Variants in C1orf141 observed in about 807,000 individuals in gnomAD.
C1orf141 encodes uncharacterized protein C1orf141.
C1orf141 carries 19 observed loss-of-function variants against 23.2 expected under a neutral mutation model. That is an observed-to-expected ratio of 0.82 (90% CI 0.57 to 1.20). The LOEUF is 1.20. Among genes scored for constraint, C1orf141 ranks in the 50% most tolerant of loss-of-function variants. C1orf141 has a pLI of 0.00. For missense variants in C1orf141, 469 were observed against 455.1 expected, an observed-to-expected ratio of 1.03 and a Z score of -0.28; for synonymous variants, 153 against 154.6, an observed-to-expected ratio of 0.99 and a Z score of 0.08.
At chr1:67,103,081 AG>A (rs1245579134) in intron 5 of C1orf141, among the ~76,000 whole-genome samples, 8 of 152,148 alleles carry the variant, frequency 5.3e-5, no homozygotes, top group Admixed American at 2.6e-4. Flanking sequence ...TGGTGTGGAT[AG>A]GTTTAAGAGT....
At chr1:67,126,146 G>A (rs1646409631) in intron 3 of C1orf141, among the ~76,000 whole-genome samples, 1 of 152,138 alleles carries the variant, frequency 6.6e-6, no homozygotes, top group African/African-American at 2.4e-5. Context: ...AAATGTGGGG[G>A]TAGGACTTGA....
chr1:67,135,906 C>CAAAACAAA, upstream of C1orf141, among the ~76,000 whole-genome samples: 1 of 62,620 alleles, frequency 1.6e-5, no homozygotes. Context: ...GGCAAAACTG[C>CAAAACAAA]AAAAAAAAAA....
At chr1:67,118,696 GA>G in intron 4 of C1orf141, among the ~76,000 whole-genome samples, 1 of 152,170 alleles carries the variant, frequency 6.6e-6, no homozygotes, top group East Asian at 1.9e-4. Flanking sequence ...ATTAGGTTAT[GA>G]GGGTATAGCC....
At chr1:67,116,767 T>C (rs1196918685) in intron 4 of C1orf141, among the ~76,000 whole-genome samples, 2 of 152,148 alleles carry the variant, frequency 1.3e-5, no homozygotes, top group Non-Finnish European at 2.9e-5. Context: ...CTTAAGGACC[T>C]TGCTCTTTCC....
intron 4 of C1orf141, among the ~76,000 whole-genome samples, chr1:67,119,724 G>A (rs557048124): frequency 1.3e-5 from 2 of 152,322 alleles, no homozygotes; most frequent in Admixed American, 1.3e-4. Context: ...AAGGGAAACA[G>A]AGAAAGTGGG....
upstream of C1orf141, among the ~76,000 whole-genome samples, chr1:67,137,644 A>G (rs1032316158): frequency 6.6e-6 from 1 of 152,144 alleles, no homozygotes; most frequent in Non-Finnish European, 1.5e-5. Context: ...ATCCTAAATC[A>G]CATTGTTAGA....
chr1:67,125,741 A>G lies in C1orf141; in HGVS notation c.233+11T>C, dbSNP rs569980980. ...TCTGAACTGAAAATTTAAGGTGGTTATGATAGTTACATTTTTGATTTTGTA... is the reference window on the plus strand; with the variant it reads ...TCTGAACTGAAAATTTAAGGTGGTTGTGATAGTTACATTTTTGATTTTGTA... On this transcript the variant is annotated intron_variant, in intron 4 of 7. Transcript: ENST00000684719. 1.7e-4 allele frequency: 277 copies of G among 1,611,516 alleles called. 4 individuals are homozygous for G. The South Asian group carries it at 2.5e-3, about 14-fold the overall frequency.
intron 2 of C1orf141, 98 bp downstream of exon 2, chr1:67,131,044 A>G (rs1057374841): frequency 1.3e-5 from 2 of 152,310 alleles, no homozygotes; most frequent in African/African-American, 4.8e-5. Flanking sequence ...TACTAATATG[A>G]TGGTGTTCCC....
intron 5 of C1orf141, among the ~76,000 whole-genome samples, chr1:67,109,276 G>A (rs911684283): frequency 1.0e-4 from 15 of 145,228 alleles, no homozygotes; most frequent in Non-Finnish European, 1.9e-4. Flanking sequence ...GCAGTGAGCC[G>A]AGATGGCGCC....
chr1:67,137,736 C>G (rs1646598102), upstream of C1orf141, among the ~76,000 whole-genome samples: 1 of 152,238 alleles, frequency 6.6e-6, no homozygotes, highest in African/African-American at 2.4e-5. Context: ...GAGATTATAT[C>G]TCAGAAGGCA....
chr1:67,099,907 A>C (rs1645760507), intron 5 of C1orf141, among the ~76,000 whole-genome samples: 1 of 152,216 alleles, frequency 6.6e-6, no homozygotes, highest in South Asian at 2.1e-4. Flanking sequence ...TTTTAAATGA[A>C]ATATTGTGAA....
intron 5 of C1orf141, among the ~76,000 whole-genome samples, chr1:67,098,806 A>T (rs1645740861): frequency 6.6e-6 from 1 of 152,188 alleles, no homozygotes; most frequent in African/African-American, 2.4e-5. Flanking sequence ...GTATTCAGTA[A>T]AAACAGACTA....
chr1:67,125,827 GCTT>G lies in C1orf141; in HGVS notation c.155_157del (p.Glu52del), dbSNP rs2102492922. ...TGCCTTAGACGCGGATGTAGCAAGA[GCTT>G]CTTCAAATTCCAACTGAAAATCAAA... On this transcript the variant is annotated inframe_deletion, in exon 4 of 8. Coordinates refer to ENST00000684719, the MANE Select transcript of C1orf141 (RefSeq NM_001276351.2). 2 of 1,612,780 alleles carry G rather than the reference GCTT, an allele frequency of 1.2e-6. No homozygotes were observed. Among genetic ancestry groups the G allele is most frequent in the Non-Finnish European group, 1.7e-6 (2 of 1,179,738 alleles).
intron 5 of C1orf141, among the ~76,000 whole-genome samples, chr1:67,108,297 G>C (rs1346932140): frequency 1.3e-5 from 2 of 152,080 alleles, no homozygotes; most frequent in Non-Finnish European, 2.9e-5. Flanking sequence ...GTGCCTTATT[G>C]CTGTGTCCTC....
chr1:67,099,690 C>T (rs192598897), intron 5 of C1orf141, among the ~76,000 whole-genome samples: 2 of 152,266 alleles, frequency 1.3e-5, no homozygotes, highest in East Asian at 1.9e-4. Flanking sequence ...GCAGGAGAAT[C>T]GCTTGAACCC....
chr1:67,094,823 T>G (rs902056561), intron 7 of C1orf141: 1 of 155,982 alleles, frequency 6.4e-6, no homozygotes, highest in Admixed American at 6.4e-5. Context: ...ATTTTAGAAC[T>G]GGGGTCTTGT....
intron 5 of C1orf141, among the ~76,000 whole-genome samples, chr1:67,104,100 T>C (rs1645867996): frequency 6.6e-6 from 1 of 152,136 alleles, no homozygotes; most frequent in South Asian, 2.1e-4. Flanking sequence ...ATTTTTATGG[T>C]ATAGATAGGA....
chr1:67,130,290 T>C (rs905907195), intron 2 of C1orf141, among the ~76,000 whole-genome samples: 7 of 152,232 alleles, frequency 4.6e-5, no homozygotes, highest in Non-Finnish European at 1.0e-4. Context: ...GATTTCTATT[T>C]TTCAGCAAGA....
chr1:67,120,703 A>C (rs1558200640), intron 4 of C1orf141, among the ~76,000 whole-genome samples: 1 of 152,178 alleles, frequency 6.6e-6, no homozygotes, highest in East Asian at 1.9e-4. Context: ...GAGTGTCCTC[A>C]CCAGACACTG....
Sources: gnomAD v4.1 joint callset for allele counts (sites outside exome capture counted in the v4.1 genomes callset) on GRCh38, gnomAD v4.1.1 for gene constraint, MANE v1.5 for transcripts, NCBI Gene and HGNC (gene_info 2026-07-23, HGNC 2026-07-21) for gene names.